The following RPGRIP1L variants were observed in gnomAD, a reference collection of about 807,000 sequenced individuals.
The protein encoded by RPGRIP1L is protein fantom.
Under a neutral mutation model 160.4 loss-of-function variants are expected in RPGRIP1L, and 131 were observed. The observed-to-expected ratio is 0.82, with a 90% CI of 0.71 to 0.94. The LOEUF (loss-of-function observed/expected upper bound fraction) is 0.94, where lower values mean the gene tolerates loss of function less well. Among genes scored for constraint, RPGRIP1L ranks in the 40% least tolerant of loss-of-function variants. The probability of loss-of-function intolerance (pLI) is 0.00; values close to 1 mark genes in which losing one functional copy is unlikely to be tolerated. For synonymous variants in RPGRIP1L, 510 were observed against 515.8 expected (o/e 0.99, Z 0.15); for missense variants, 1,522 against 1,535.8 (o/e 0.99, Z 0.15).
chr16:53,673,036 T>A lies in RPGRIP1L; in HGVS notation c.883-20A>T, dbSNP rs781088450. 6.2e-7 allele frequency: 1 copy of A among 1,604,078 alleles called. No individual in the cohort carries two copies. The highest frequency in any genetic ancestry group is 8.5e-7 in the Non-Finnish European group (1 of 1,173,334). The stretch of plus-strand genomic sequence containing the variant: ...TTGCTTCTAAAAGATAAAAAGAACA[T>A]CTTTCAAACATTATTTTTGACTAAA... On this transcript the variant is annotated intron_variant, in intron 7 of 26. Transcript: ENST00000647211.
At chr16:53,629,751 A>C (rs1003635835) in intron 22 of RPGRIP1L, among the ~76,000 whole-genome samples, 1 of 152,090 alleles carries the variant, frequency 6.6e-6, no homozygotes, top group Non-Finnish European at 1.5e-5. Flanking sequence ...TTTTTTCTGT[A>C]AAAGGATGAA....
intron 5 of RPGRIP1L, among the ~76,000 whole-genome samples, chr16:53,687,054 C>T (rs1396528748): frequency 5.9e-5 from 9 of 152,162 alleles, no homozygotes; most frequent in Admixed American, 2.6e-4. Flanking sequence ...TCTCAGGAAC[C>T]GGTATAAACG....
At chr16:53,605,745 G>T in intron 25 of RPGRIP1L, 131 bp from the exon 26 acceptor site, 1 of 900,246 alleles carries the variant, frequency 1.1e-6, no homozygotes, top group Non-Finnish European at 1.8e-6. Flanking sequence ...AAAAAGAAAG[G>T]TACACTAGGC....
Position 53,687,894 on chromosome 16 carries a change from G to A in RPGRIP1L, c.601C>T (p.Leu201Phe), listed in dbSNP as rs1404063565. ...CTTATTTCTCCTCTGGCTTCTTCAA[G>A]TAAACTGTTGCCATATTTTGTAAAC... ...PMFTKYGNSL[L>F]EEARGEIRNL... Residue 201 changes from leucine (L) to phenylalanine (F), a missense_variant, in exon 5 of 27, where the codon CTT (leucine) becomes TTT (phenylalanine). Coordinates refer to ENST00000647211, the MANE Select transcript of RPGRIP1L (RefSeq NM_015272.5). 6 of 1,610,768 alleles carry A rather than the reference G, an allele frequency of 3.7e-6. No individual in the cohort carries two copies. In the South Asian group the frequency reaches 6.6e-5, roughly 18 times the overall value.
chr16:53,613,562 C>T (rs1281453091), intron 24 of RPGRIP1L, among the ~76,000 whole-genome samples: 1 of 152,166 alleles, frequency 6.6e-6, no homozygotes, highest in African/African-American at 2.4e-5. Context: ...AGTGATCCTA[C>T]TGTCTTGGCT....
intron 3 of RPGRIP1L, chr16:53,695,157 A>G: frequency 1.8e-6 from 1 of 564,848 alleles, no homozygotes. Context: ...TTACTGACCA[A>G]TTAGGCTTAC....
chr16:53,657,357 G>A, intron 13 of RPGRIP1L, 96 bp downstream of exon 13: 1 of 809,448 alleles, frequency 1.2e-6, no homozygotes, highest in Non-Finnish European at 2.0e-6. Flanking sequence ...TACAATAGAT[G>A]TTAATAGATA....
At position 53,622,363 on chromosome 16, in the gene RPGRIP1L, CAAAAA is replaced by C; in HGVS notation, c.3295-12_3295-8del. Reference sequence around the variant, plus strand: ...CGGGAGACAATGCGAGACTCTGTCTCAAAAAAAAAAAAAAAATCTTAAGATTAAGA... The same window carrying C: ...CGGGAGACAATGCGAGACTCTGTCTCAAAAAAAAAAATCTTAAGATTAAGA... On this transcript the variant is annotated splice_polypyrimidine_tract_variant and splice_region_variant and intron_variant, in intron 22 of 26. Transcript: ENST00000647211. 11 of 439,610 alleles carry C rather than the reference CAAAAA, an allele frequency of 2.5e-5. No individual in the cohort carries two copies. Among genetic ancestry groups the C allele is most frequent in the Admixed American group, 7.5e-5 (2 of 26,496 alleles). The allele number at this position is 439,610 out of a possible 1,614,324, so 27.2% of individuals were successfully genotyped here.
In RPGRIP1L at chr16:53,599,829, C is replaced by T. The variant is rs1028515543; in HGVS notation, c.*2247G>A. On this transcript the variant is annotated 3_prime_UTR_variant, in exon 27 of 27. Transcript: ENST00000647211. ...CACATGACAGCGTTCAATACTACCT[C>T]GCCACTTCAAAATGTGTCAGCAGCA... 1 of 152,194 alleles carries T rather than the reference C, an allele frequency of 6.6e-6. No individual in the cohort carries two copies. The highest frequency in any genetic ancestry group is 2.4e-5 in the African/African-American group (1 of 41,442). 9.4% of individuals were successfully genotyped at this position (152,194 alleles called of 1,614,324 possible).
chr16:53,603,674 A>ATGTGTGTGTGTGTGTG (rs3035223), intron 26 of RPGRIP1L, among the ~76,000 whole-genome samples: 107 of 148,058 alleles, frequency 7.2e-4, no homozygotes, highest in African/African-American at 2.0e-3. Flanking sequence ...TTGAACTTTA[A>ATGTGTGTGTGTGTGTG]TGTGTGTGTG....
At chr16:53,667,838 G>GC (rs202238287) in intron 9 of RPGRIP1L, among the ~76,000 whole-genome samples, 2,853 of 151,936 alleles carry the variant, frequency 0.019, 50 homozygotes, top group South Asian at 0.058. Context: ...ATGCCACTAT[G>GC]CTCCAGCCTG....
intron 24 of RPGRIP1L, among the ~76,000 whole-genome samples, chr16:53,613,195 G>A (rs900717810): frequency 6.6e-6 from 1 of 152,068 alleles, no homozygotes; most frequent in Non-Finnish European, 1.5e-5. Context: ...TGACTATTAT[G>A]GATAATGCTG....
intron 6 of RPGRIP1L, among the ~76,000 whole-genome samples, chr16:53,685,888 A>G (rs1057460044): frequency 6.6e-6 from 1 of 152,168 alleles, no homozygotes; most frequent in Admixed American, 6.6e-5. Context: ...TATAACAAAA[A>G]AAGTTTTTTA....
chr16:53,697,777 C>T (rs1348564743), intron 2 of RPGRIP1L, among the ~76,000 whole-genome samples: 1 of 152,122 alleles, frequency 6.6e-6, no homozygotes, highest in African/African-American at 2.4e-5. Flanking sequence ...CTCTGCCCGG[C>T]CGCCACCCCG....
rs114836571 is a variant in RPGRIP1L, at chr16:53,679,449, T to C, written c.777-4327A>G. Among the ~76,000 whole-genome samples the C allele has an allele frequency of 4.7e-3, 712 of 152,150 alleles. 5 individuals carry two copies. The highest frequency in any genetic ancestry group is 0.016 in the African/African-American group (664 of 41,484). On this transcript the variant is annotated intron_variant, in intron 6 of 26. Coordinates refer to ENST00000647211, the MANE Select transcript of RPGRIP1L (RefSeq NM_015272.5). ...TGGAGTCTCACTCTGTCACCGACGATGGAGTGCAGTGTCGTGATCTCGGCT... is the reference window on the plus strand; with the variant it reads ...TGGAGTCTCACTCTGTCACCGACGACGGAGTGCAGTGTCGTGATCTCGGCT...
chr16:53,683,018 T>C (rs139888327), intron 6 of RPGRIP1L, among the ~76,000 whole-genome samples: 282 of 152,258 alleles, frequency 1.9e-3, no homozygotes, highest in African/African-American at 6.7e-3. Context: ...AGGAATAGAA[T>C]TTTTAGAGAT....
Position 53,692,315 on chromosome 16 carries a change from G to C in RPGRIP1L, c.280C>G (p.Arg94Gly). Residue 94 changes from arginine to glycine, a missense_variant, in exon 4 of 27, where the codon CGG becomes GGG. Physicochemically the swap from Arg to Gly is moderately radical, Grantham distance 125. Coordinates refer to ENST00000647211, the MANE Select transcript of RPGRIP1L (RefSeq NM_015272.5). ...AGCCGCTTGGGGCCGCCACCAACCC[G>C]CTCATATCTTTTCTTGTCATTAACT... is the stretch of plus-strand genomic sequence containing the variant. ...RLVNDKKRYE[R>G]VGGGPKRLGR... 1 of 1,613,946 alleles carries C rather than the reference G, an allele frequency of 6.2e-7. No homozygotes were observed.
chr16:53,672,839 C>G, intron 8 of RPGRIP1L, 31 bp downstream of exon 8: 2 of 1,597,974 alleles, frequency 1.3e-6, no homozygotes, highest in Non-Finnish European at 1.7e-6. Flanking sequence ...AGTTGTAATG[C>G]AACAGATGGC....
At chr16:53,631,224 C>T (rs1965498113) in intron 22 of RPGRIP1L, among the ~76,000 whole-genome samples, 1 of 152,194 alleles carries the variant, frequency 6.6e-6, no homozygotes, top group South Asian at 2.1e-4. Context: ...TTTAAACATA[C>T]TTTGCTGAAC....
Sources: allele counts gnomAD v4.1 joint callset (sites outside exome capture counted in the v4.1 genomes callset), GRCh38; gene constraint gnomAD v4.1.1; transcripts MANE v1.5; gene names NCBI Gene and HGNC (gene_info 2026-07-23, HGNC 2026-07-21).